GABBR2: variants seen among roughly 807,000 people sequenced by gnomAD.
The protein encoded by GABBR2 is gamma-aminobutyric acid type B receptor subunit 2, also known as G-protein coupled receptor 51.
A neutral mutation model predicts 105.6 loss-of-function variants in GABBR2; 23 were observed. The observed-to-expected ratio is 0.22, with a 90% confidence interval of 0.16 to 0.31. The LOEUF (loss-of-function observed/expected upper bound fraction) is 0.31, where lower values mean the gene tolerates loss of function less well. GABBR2 is among the 10% of genes least tolerant of loss of function. The pLI is 1.00. For synonymous variants in GABBR2, 478 were observed against 499.7 expected (o/e 0.96, Z 0.58); for missense variants, 734 against 1,245.5 (o/e 0.59, Z 6.18).
intron 11 of GABBR2, among the ~76,000 whole-genome samples, chr9:98,376,089 C>T (rs1831868591): frequency 6.6e-6 from 1 of 152,154 alleles, no homozygotes. Context: ...TGGGGGAAGA[C>T]AAACTTTAGG....
intron 2 of GABBR2, among the ~76,000 whole-genome samples, chr9:98,561,798 C>A (rs1355930645): frequency 6.6e-6 from 1 of 152,160 alleles, no homozygotes; most frequent in Non-Finnish European, 1.5e-5. Flanking sequence ...GCAGGAGGAT[C>A]CCTTGAGCGC....
At chr9:98,656,109 G>GA (rs1830179935) in intron 1 of GABBR2, among the ~76,000 whole-genome samples, 1 of 152,184 alleles carries the variant, frequency 6.6e-6, no homozygotes, top group African/African-American at 2.4e-5. Context: ...CAGAGAGGAG[G>GA]TCAAAGTGGG....
At chr9:98,343,609 C>T (rs1330489499) in intron 13 of GABBR2, among the ~76,000 whole-genome samples, 3 of 152,118 alleles carry the variant, frequency 2.0e-5, no homozygotes, top group East Asian at 3.9e-4. Flanking sequence ...CCTGTAATCC[C>T]AGCACTTTGG....
chr9:98,587,550 G>A (rs536875497), intron 1 of GABBR2, among the ~76,000 whole-genome samples: 1 of 152,294 alleles, frequency 6.6e-6, no homozygotes, highest in South Asian at 2.1e-4. Context: ...TGGTAAAAAA[G>A]GAGTGATAGT....
rs1830225454 is a variant in GABBR2 at position 98,659,483 on chromosome 9, CTTCT to C, written c.321+48930_321+48933del. Among the ~76,000 whole-genome samples the C allele has an allele frequency of 3.5e-5, 3 of 85,982 alleles. No individual in the cohort carries two copies. The Admixed American group carries it at 3.6e-4, about 10-fold the overall frequency. The allele number at this position is 85,982 out of a possible 152,430, so 56.4% of individuals were successfully genotyped here. On this transcript the variant is annotated intron_variant, in intron 1 of 18. Transcript: ENST00000259455. ...TAGTCACAGTCCCATATTATTTCTT[CTTCT>C]TTTTTTTTTAAACAACCTTTTTTCT...
Position 98,390,864 on chromosome 9 carries a change from AT to A in GABBR2, c.1379-1861del, listed in dbSNP as rs1463130342. 2.6e-5 allele frequency among the ~76,000 whole-genome samples: 4 copies of A among 152,242 alleles called. No individual in the cohort carries two copies. The East Asian group carries it at 7.7e-4, about 29-fold the overall frequency. On this transcript the variant is annotated intron_variant, in intron 9 of 18. Transcript: ENST00000259455. Reference sequence around the variant, plus strand: ...TATTGTATAGAAACAACTCCAGAAAATTGACAATAGACAAGAGAAAGTTGTC... The same window carrying A: ...TATTGTATAGAAACAACTCCAGAAAATGACAATAGACAAGAGAAAGTTGTC...
intron 7 of GABBR2, among the ~76,000 whole-genome samples, chr9:98,445,725 G>A (rs1826116575): frequency 6.6e-6 from 1 of 152,230 alleles, no homozygotes; most frequent in Admixed American, 6.5e-5. Context: ...GGCACCTCCA[G>A]GCAGGAGGCA....
At chr9:98,386,469 C>A (rs559636302) in intron 10 of GABBR2, among the ~76,000 whole-genome samples, 2 of 152,288 alleles carry the variant, frequency 1.3e-5, no homozygotes, top group East Asian at 3.9e-4. Flanking sequence ...AGGGAGACAC[C>A]AGAGTCCGCA....
intron 1 of GABBR2, among the ~76,000 whole-genome samples, chr9:98,655,534 C>G (rs1225852975): frequency 1.3e-5 from 2 of 152,156 alleles, no homozygotes; most frequent in Non-Finnish European, 2.9e-5. Context: ...CTTTCACATG[C>G]ACACATGTTT....
chr9:98,415,460 C>T (rs140163701), intron 7 of GABBR2, among the ~76,000 whole-genome samples: 35 of 152,212 alleles, frequency 2.3e-4, no homozygotes, highest in South Asian at 4.2e-4. Context: ...CTCTCAAAGT[C>T]GAATAACAAA....
At chr9:98,395,863 A>G (rs889153366) in intron 8 of GABBR2, among the ~76,000 whole-genome samples, 1 of 152,116 alleles carries the variant, frequency 6.6e-6, no homozygotes, top group Non-Finnish European at 1.5e-5. Flanking sequence ...AATGGTGGGG[A>G]GCAGGTAGGA....
rs144976755 is a variant in GABBR2 at position 98,326,572 on chromosome 9, T to C, written c.1894-15367A>G. On this transcript the variant is annotated intron_variant, in intron 13 of 18. Transcript: ENST00000259455. ...ATTTGACTCTTGTGGGCTGAAGCAC[T>C]GAAGACCTGTTGCAAGATTGGCCTG... 3.4e-3 allele frequency among the ~76,000 whole-genome samples: 513 copies of C among 152,344 alleles called. 3 individuals carry two copies. The highest frequency in any genetic ancestry group is 0.012 in the African/African-American group (496 of 41,592).
chr9:98,377,526 G>A (rs1369475995), intron 11 of GABBR2, among the ~76,000 whole-genome samples: 3 of 151,760 alleles, frequency 2.0e-5, no homozygotes, highest in African/African-American at 4.8e-5. Context: ...TAGTAAATGG[G>A]AACTGTTTGT....
At chr9:98,450,450 A>C (rs531891711) in intron 7 of GABBR2, among the ~76,000 whole-genome samples, 80 of 152,158 alleles carry the variant, frequency 5.3e-4, no homozygotes, top group Non-Finnish European at 1.0e-3. Context: ...GACAAAGGAG[A>C]TAGGAGGAAG....
At chr9:98,688,394 CATAT>C (rs34589145) in intron 1 of GABBR2, among the ~76,000 whole-genome samples, 11 of 140,456 alleles carry the variant, frequency 7.8e-5, no homozygotes, top group Non-Finnish European at 1.3e-4. Context: ...TATGTGGTTT[CATAT>C]ATATATATAT....
intron 13 of GABBR2, among the ~76,000 whole-genome samples, chr9:98,359,692 C>T (rs1336875583): frequency 3.9e-5 from 6 of 152,184 alleles, no homozygotes; most frequent in Admixed American, 3.9e-4. Flanking sequence ...GTTTAGTCTG[C>T]TCCCTGATTT....
At chr9:98,704,902 T>A (rs939707901) in intron 1 of GABBR2, among the ~76,000 whole-genome samples, 2 of 151,134 alleles carry the variant, frequency 1.3e-5, no homozygotes, top group Non-Finnish European at 2.9e-5. Context: ...TGAGCTATGA[T>A]GTACCACTGC....
chr9:98,492,881 C>T (rs968384438), intron 4 of GABBR2, among the ~76,000 whole-genome samples: 3 of 152,274 alleles, frequency 2.0e-5, no homozygotes, highest in South Asian at 2.1e-4. Flanking sequence ...GCTAAGGGAA[C>T]GTTTGTCAGG....
At chr9:98,604,491 G>T (rs1046900908) in intron 1 of GABBR2, among the ~76,000 whole-genome samples, 3 of 152,194 alleles carry the variant, frequency 2.0e-5, no homozygotes, top group Non-Finnish European at 4.4e-5. Context: ...GTGTTGTCAT[G>T]CTTTTCCCTT....
Sources: allele counts gnomAD v4.1 joint callset (sites outside exome capture counted in the v4.1 genomes callset), GRCh38; gene constraint gnomAD v4.1.1; transcripts MANE v1.5; gene names NCBI Gene and HGNC (gene_info 2026-07-23, HGNC 2026-07-21).